PEBP4: variants seen among roughly 807,000 people sequenced by gnomAD.
The protein encoded by PEBP4 is phosphatidylethanolamine binding protein 4.
PEBP4 carries 22 observed loss-of-function variants against 23.9 expected under a neutral mutation model. The ratio of observed to expected loss-of-function variants is 0.92; its 90% CI spans 0.66 to 1.31. The LOEUF (loss-of-function observed/expected upper bound fraction) is 1.31. Among genes scored for constraint, PEBP4 ranks in the 40% most tolerant of loss-of-function variants. The pLI, the probability that PEBP4 is intolerant of heterozygous loss-of-function variation, is 0.00. For missense variants in PEBP4, 324 were observed against 281.7 expected (o/e 1.15, Z -1.07); for synonymous variants, 112 against 99.3 (o/e 1.13, Z -0.76).
chr8:22,739,956 G>A (rs1226928673), intron 4 of PEBP4, among the ~76,000 whole-genome samples: 1 of 152,184 alleles, frequency 6.6e-6, no homozygotes, highest in Non-Finnish European at 1.5e-5. Context: ...TGGCTCTTTG[G>A]GGAAGGCTGG....
chr8:22,733,803 GGGGATGGGGGAATTGGGGAGGGT>G (rs1804790249), intron 4 of PEBP4, among the ~76,000 whole-genome samples: 2 of 14,338 alleles, frequency 1.4e-4, no homozygotes, highest in East Asian at 0.01. Context: ...TGGGGAGGGT[GGGGATGGGGGAATTGGGGAGGGT>G]GGGGATGGGG....
intron 3 of PEBP4, among the ~76,000 whole-genome samples, chr8:22,909,764 C>T (rs1319905306): frequency 6.6e-6 from 1 of 152,200 alleles, no homozygotes; most frequent in Non-Finnish European, 1.5e-5. Context: ...TCTTTCTGTG[C>T]CTCAGTTTCC....
chr8:22,794,834 C>T (rs576835824), intron 4 of PEBP4, among the ~76,000 whole-genome samples: 154 of 152,202 alleles, frequency 1.0e-3, no homozygotes, highest in African/African-American at 3.6e-3. Flanking sequence ...AGCCTGTTCT[C>T]TTCTGATTCT....
At chr8:22,718,563 G>T (rs1396409786) in intron 6 of PEBP4, among the ~76,000 whole-genome samples, 1 of 152,188 alleles carries the variant, frequency 6.6e-6, no homozygotes, top group African/African-American at 2.4e-5. Flanking sequence ...TCTGAGTGTT[G>T]CCCGGGATGG....
At chr8:22,793,496 G>C (rs138061356) in intron 4 of PEBP4, among the ~76,000 whole-genome samples, 1 of 149,672 alleles carries the variant, frequency 6.7e-6, no homozygotes, top group African/African-American at 2.5e-5. Flanking sequence ...GGCCAGGCTG[G>C]TCTCGAACTC....
At chr8:22,839,468 G>A (rs762471603) in intron 3 of PEBP4, among the ~76,000 whole-genome samples, 4 of 152,176 alleles carry the variant, frequency 2.6e-5, no homozygotes, top group Non-Finnish European at 4.4e-5. Flanking sequence ...CTGGGCCTCT[G>A]ATTCTCCACA....
intron 4 of PEBP4, among the ~76,000 whole-genome samples, chr8:22,767,539 C>T (rs1805633920): frequency 6.6e-6 from 1 of 152,176 alleles, no homozygotes; most frequent in Non-Finnish European, 1.5e-5. Flanking sequence ...ACTATGATTG[C>T]ATTTACATGA....
At position 22,811,128 on chromosome 8, in the gene PEBP4, G is replaced by C. The variant is rs577084382; in HGVS notation, c.357+6509C>G. On this transcript the variant is annotated intron_variant, in intron 4 of 6. Transcript: ENST00000256404. ...TTAGTTACCTGAAGCACTACAGTAT[G>C]TATGGGATAATATGATAAACTCATT... Among the ~76,000 whole-genome samples, 17 of 152,136 alleles carry C rather than the reference G, an allele frequency of 1.1e-4. No individual in the cohort carries two copies. The South Asian group carries it at 3.5e-3, about 32-fold the overall frequency.
chr8:22,912,026 G>A (rs560884199), intron 3 of PEBP4, among the ~76,000 whole-genome samples: 5 of 152,076 alleles, frequency 3.3e-5, no homozygotes, highest in South Asian at 2.1e-4. Flanking sequence ...TGGGGGTGGC[G>A]GATTGGGTAA....
At chr8:22,937,994 CAG>C (rs1295592231) in intron 1 of PEBP4, among the ~76,000 whole-genome samples, 22 of 152,218 alleles carry the variant, frequency 1.4e-4, no homozygotes, top group Admixed American at 7.2e-4. Flanking sequence ...GAATAAAACA[CAG>C]GGGAAAATCT....
intron 4 of PEBP4, among the ~76,000 whole-genome samples, chr8:22,796,048 C>A (rs1806252383): frequency 6.6e-6 from 1 of 152,198 alleles, no homozygotes; most frequent in Non-Finnish European, 1.5e-5. Context: ...GGTATGCTCT[C>A]CAAGCCCAAA....
At chr8:22,776,504 C>T (rs1805817571) in intron 4 of PEBP4, among the ~76,000 whole-genome samples, 1 of 152,030 alleles carries the variant, frequency 6.6e-6, no homozygotes, top group South Asian at 2.1e-4. Flanking sequence ...GTCTTGCTCT[C>T]AGCCTTCAAA....
At chr8:22,781,787 C>T (rs1259077514) in intron 4 of PEBP4, among the ~76,000 whole-genome samples, 1 of 152,214 alleles carries the variant, frequency 6.6e-6, no homozygotes, top group Non-Finnish European at 1.5e-5. Context: ...CAGCTCACGG[C>T]TGGAGGTGCC....
chr8:22,800,618 C>T (rs995963986), intron 4 of PEBP4, among the ~76,000 whole-genome samples: 1 of 152,106 alleles, frequency 6.6e-6, no homozygotes, highest in African/African-American at 2.4e-5. Flanking sequence ...CTGGGCAAAC[C>T]GCACATCAGG....
chr8:22,779,418 G>A (rs1805874944), intron 4 of PEBP4, among the ~76,000 whole-genome samples: 2 of 152,118 alleles, frequency 1.3e-5, no homozygotes, highest in African/African-American at 2.4e-5. Flanking sequence ...CCACACCAAG[G>A]CCAGTGGGTT....
chr8:22,866,664 C>T (rs944820037), intron 3 of PEBP4, among the ~76,000 whole-genome samples: 2 of 151,902 alleles, frequency 1.3e-5, no homozygotes, highest in African/African-American at 4.8e-5. Context: ...AATCACAAAA[C>T]AGTATGTACA....
At chr8:22,933,468 C>T (rs1409897150) in intron 1 of PEBP4, among the ~76,000 whole-genome samples, 1 of 152,120 alleles carries the variant, frequency 6.6e-6, no homozygotes. Context: ...AAATTATCAG[C>T]CAATTTATCA....
At chr8:22,781,783 A>G (rs73671291) in intron 4 of PEBP4, among the ~76,000 whole-genome samples, 3,395 of 152,294 alleles carry the variant, frequency 0.022, 131 homozygotes, top group African/African-American at 0.076. Context: ...ACCCCAGCTC[A>G]CGGCTGGAGG....
chr8:22,839,577 A>G (rs7815300), intron 3 of PEBP4, among the ~76,000 whole-genome samples: 22,810 of 152,198 alleles, frequency 0.15, 2,091 homozygotes, highest in Middle Eastern at 0.28. Context: ...CTTCTGGCGA[A>G]AAGGACTACA....
Sources: allele counts gnomAD v4.1 joint callset (sites outside exome capture counted in the v4.1 genomes callset), GRCh38; gene constraint gnomAD v4.1.1; transcripts MANE v1.5; gene names NCBI Gene and HGNC (gene_info 2026-07-23, HGNC 2026-07-21).